The following PTPRM variants were observed in gnomAD, a reference collection of about 807,000 sequenced individuals.
PTPRM encodes the protein protein tyrosine phosphatase receptor type M, also known as receptor-type tyrosine-protein phosphatase mu.
A neutral mutation model predicts 186.7 loss-of-function variants in PTPRM; 47 were observed. The ratio of observed to expected loss-of-function variants is 0.25; its 90% confidence interval spans 0.20 to 0.32. PTPRM has a LOEUF of 0.32. PTPRM is among the 10% of genes least tolerant of loss of function. PTPRM has a pLI of 1.00. For missense variants in PTPRM, 1,494 were observed against 1,865.0 expected (o/e 0.80, Z 3.66); for synonymous variants, 668 against 674.9 (o/e 0.99, Z 0.16).
intron 1 of PTPRM, among the ~76,000 whole-genome samples, chr18:7,708,014 C>T (rs2040132726): frequency 6.6e-6 from 1 of 152,210 alleles, no homozygotes; most frequent in Non-Finnish European, 1.5e-5. Context: ...TAGAATATTG[C>T]AGAATATGCT....
At chr18:8,103,372 T>C (rs1484253661) in intron 11 of PTPRM, among the ~76,000 whole-genome samples, 1 of 152,258 alleles carries the variant, frequency 6.6e-6, no homozygotes, top group Admixed American at 6.5e-5. Context: ...CCCTCATCAA[T>C]GACTTTAGCT....
At chr18:7,929,950 A>G (rs554231455) in intron 5 of PTPRM, among the ~76,000 whole-genome samples, 13 of 152,346 alleles carry the variant, frequency 8.5e-5, no homozygotes, top group African/African-American at 1.4e-4. Flanking sequence ...CAGAAAATTG[A>G]AGAAAAGAAC....
At chr18:8,137,980 A>C (rs2092676873) in intron 13 of PTPRM, among the ~76,000 whole-genome samples, 1 of 152,298 alleles carries the variant, frequency 6.6e-6, no homozygotes, top group Non-Finnish European at 1.5e-5. Context: ...GCCTTGTTCC[A>C]GTACCTTGAG....
intron 20 of PTPRM, among the ~76,000 whole-genome samples, chr18:8,306,566 C>T (rs2095224363): frequency 6.6e-6 from 1 of 152,238 alleles, no homozygotes; most frequent in African/African-American, 2.4e-5. Context: ...ACCAAGTCCT[C>T]ATAGTCTTGA....
intron 2 of PTPRM, among the ~76,000 whole-genome samples, chr18:7,817,016 C>T (rs932860664): frequency 6.0e-5 from 9 of 150,562 alleles, no homozygotes; most frequent in African/African-American, 2.2e-4. Flanking sequence ...ACTCTGGCGC[C>T]CAGGCTGGAG....
chr18:8,258,003 A>T (rs1462250174), intron 19 of PTPRM, among the ~76,000 whole-genome samples: 1 of 152,202 alleles, frequency 6.6e-6, no homozygotes, highest in East Asian at 1.9e-4. Flanking sequence ...TTGTTCTAAC[A>T]AGGTAGTCAT....
At chr18:8,114,009 G>T (rs2091863356) in intron 12 of PTPRM, among the ~76,000 whole-genome samples, 2 of 145,838 alleles carry the variant, frequency 1.4e-5, no homozygotes, top group African/African-American at 5.1e-5. Context: ...CAGTTTTCCT[G>T]TTACCAAAAG....
intron 3 of PTPRM, among the ~76,000 whole-genome samples, chr18:7,899,249 G>C (rs1353568306): frequency 6.6e-6 from 1 of 152,192 alleles, no homozygotes; most frequent in African/African-American, 2.4e-5. Flanking sequence ...TAGTATCAGA[G>C]CTGAAACAAG....
chr18:8,127,094 G>A (rs2092386176), intron 13 of PTPRM, among the ~76,000 whole-genome samples: 2 of 151,964 alleles, frequency 1.3e-5, no homozygotes, highest in African/African-American at 2.4e-5. Flanking sequence ...TTGGAGAAGA[G>A]ATGAAAAAGG....
chr18:8,264,017 C>T (rs1002786637), intron 19 of PTPRM, among the ~76,000 whole-genome samples: 7 of 152,072 alleles, frequency 4.6e-5, no homozygotes, highest in African/African-American at 9.7e-5. Context: ...GCATCTGAAG[C>T]GGGGGGTTGC....
intron 14 of PTPRM, among the ~76,000 whole-genome samples, chr18:8,157,757 G>A (rs114183123): frequency 0.012 from 1,806 of 152,284 alleles, 30 homozygotes; most frequent in African/African-American, 0.041. Flanking sequence ...CTTGGGGAAC[G>A]TCCTCTAAAC....
At chr18:7,883,057 G>T (rs2048588345) in intron 2 of PTPRM, among the ~76,000 whole-genome samples, 1 of 152,168 alleles carries the variant, frequency 6.6e-6, no homozygotes, top group Non-Finnish European at 1.5e-5. Flanking sequence ...TCTAAAGGCT[G>T]TCCCTTTTTG....
intron 14 of PTPRM, among the ~76,000 whole-genome samples, chr18:8,165,248 C>G (rs1355943263): frequency 6.6e-6 from 1 of 152,046 alleles, no homozygotes; most frequent in Admixed American, 6.6e-5. Flanking sequence ...ATTCTTGGCA[C>G]CGCTCATCAT....
intron 7 of PTPRM, among the ~76,000 whole-genome samples, chr18:8,022,016 G>A (rs2085266653): frequency 6.6e-6 from 1 of 152,108 alleles, no homozygotes; most frequent in Admixed American, 6.6e-5. Flanking sequence ...GTGGTGTTAT[G>A]TTTGAAAATA....
At chr18:8,376,631 G>T (rs778023910) in intron 26 of PTPRM, 34 bp downstream of exon 26, 1 of 1,591,586 alleles carries the variant, frequency 6.3e-7, no homozygotes, top group South Asian at 1.1e-5. Context: ...TGGGGCCTTG[G>T]TCCCTGGGCT....
chr18:8,290,546 T>C (rs2095031514), intron 19 of PTPRM, among the ~76,000 whole-genome samples: 1 of 152,104 alleles, frequency 6.6e-6, no homozygotes. Flanking sequence ...AAGGAGGTTA[T>C]TAAATCACAA....
intron 7 of PTPRM, among the ~76,000 whole-genome samples, chr18:8,030,537 G>A (rs1016492783): frequency 1.3e-5 from 2 of 152,210 alleles, no homozygotes; most frequent in Non-Finnish European, 2.9e-5. Flanking sequence ...ATAGCCTGTG[G>A]ACCTTGGGCA....
At chr18:7,919,746 T>C (rs535563688) in intron 4 of PTPRM, among the ~76,000 whole-genome samples, 4 of 152,136 alleles carry the variant, frequency 2.6e-5, no homozygotes, top group Non-Finnish European at 5.9e-5. Flanking sequence ...TAGCGTGTAG[T>C]TTAACTTTAA....
intron 9 of PTPRM, among the ~76,000 whole-genome samples, chr18:8,084,656 T>A (rs752506576): frequency 6.6e-6 from 1 of 152,164 alleles, no homozygotes; most frequent in Non-Finnish European, 1.5e-5. Context: ...GCACATAAAT[T>A]ACAAGTAAGT....
Sources: allele counts gnomAD v4.1 joint callset (sites outside exome capture counted in the v4.1 genomes callset), GRCh38; gene constraint gnomAD v4.1.1; transcripts MANE v1.5; gene names NCBI Gene and HGNC (gene_info 2026-07-23, HGNC 2026-07-21).